TUSC3: variants seen among roughly 807,000 people sequenced by gnomAD.
The protein encoded by TUSC3 is tumor suppressor candidate 3, also known as dolichyl-diphosphooligosaccharide--protein glycosyltransferase subunit TUSC3.
TUSC3 carries 45 observed loss-of-function variants against 44.8 expected under a neutral mutation model. That is an observed-to-expected ratio of 1.00 (90% CI 0.79 to 1.29). The LOEUF is 1.29. TUSC3 is among the 50% of genes most tolerant of loss of function. TUSC3 has a pLI of 0.00. For synonymous variants in TUSC3, 212 were observed against 152.9 expected (o/e 1.39, Z -2.85); for missense variants, 519 against 437.9 (o/e 1.19, Z -1.65).
chr8:15,487,076 C>T lies in TUSC3; in HGVS notation n.189+3593C>T, dbSNP rs572747907. ...TAGCTTCCCTTCTTCTATGACAAAC[C>T]GATAAAATACTATCTAGTCATTCTT... On this transcript the variant is annotated intron_variant and non_coding_transcript_variant, in intron 2 of 5. Transcript: ENST00000503191. Among the ~76,000 whole-genome samples the T allele has an allele frequency of 2.5e-4, 38 of 152,180 alleles. No homozygotes were observed. In the South Asian group the frequency reaches 5.4e-3, roughly 22 times the overall value.
intron 6 of TUSC3, among the ~76,000 whole-genome samples, chr8:15,711,530 A>G (rs1809853253): frequency 6.7e-6 from 1 of 149,666 alleles, no homozygotes; most frequent in South Asian, 2.1e-4. Flanking sequence ...TATTTAATAT[A>G]TGTATATATA....
intron 7 of TUSC3, among the ~76,000 whole-genome samples, chr8:15,731,113 ATATATGGTATGTC>A (rs1427958958): frequency 6.6e-6 from 1 of 152,078 alleles, no homozygotes; most frequent in African/African-American, 2.4e-5. Context: ...CTCCCCTTAA[ATATATGGTATGTC>A]AGAAGAAGGA....
At chr8:15,739,942 C>T (rs927970745) in intron 7 of TUSC3, among the ~76,000 whole-genome samples, 2 of 152,200 alleles carry the variant, frequency 1.3e-5, no homozygotes, top group Non-Finnish European at 2.9e-5. Flanking sequence ...ATGGTAATGT[C>T]TACATCAGAG....
chr8:15,667,479 A>C (rs1807718817), intron 5 of TUSC3, among the ~76,000 whole-genome samples: 1 of 151,670 alleles, frequency 6.6e-6, no homozygotes, highest in South Asian at 2.1e-4. Flanking sequence ...TTTATTAAGT[A>C]ATGTCATTAA....
intron 1 of TUSC3, among the ~76,000 whole-genome samples, chr8:15,420,858 G>A (rs776693095): frequency 2.6e-5 from 4 of 152,092 alleles, no homozygotes; most frequent in South Asian, 2.1e-4. Flanking sequence ...ATGTTGATTC[G>A]CTTCTCCCTA....
intron 6 of TUSC3, among the ~76,000 whole-genome samples, chr8:15,705,861 C>G (rs927445459): frequency 1.3e-5 from 2 of 152,016 alleles, no homozygotes; most frequent in African/African-American, 4.8e-5. Context: ...TACATATTAT[C>G]AGATAAAACT....
chr8:15,747,522 C>T (rs1280625262), intron 8 of TUSC3, among the ~76,000 whole-genome samples: 1 of 151,920 alleles, frequency 6.6e-6, no homozygotes, highest in Non-Finnish European at 1.5e-5. Context: ...ATTTTATAAG[C>T]ATGTTTAGAT....
chr8:15,513,837 C>G lies in TUSC3; in HGVS notation n.189+30354C>G, dbSNP rs546201068. Among the ~76,000 whole-genome samples, 151 of 152,240 alleles carry G rather than the reference C, an allele frequency of 9.9e-4. 3 individuals carry two copies. The Middle Eastern group carries it at 0.017, about 17-fold the overall frequency. On this transcript the variant is annotated intron_variant and non_coding_transcript_variant, in intron 2 of 5. Coordinates refer to the TUSC3 transcript ENST00000503191. ...TCTCACCAGAGTCAATGAGCAAGCT[C>G]CTTCTCTTTTCAGTCTAACTTTTAC...
At chr8:15,748,911 A>G (rs1811543990) in intron 9 of TUSC3, 1 of 373,472 alleles carries the variant, frequency 2.7e-6, no homozygotes, top group Non-Finnish European at 5.2e-6. Context: ...TAAGTAATAA[A>G]ATAATTTCTG....
At chr8:15,676,757 AAATATCAG>A (rs1808208166) in intron 6 of TUSC3, among the ~76,000 whole-genome samples, 1 of 152,204 alleles carries the variant, frequency 6.6e-6, no homozygotes, top group Admixed American at 6.5e-5. Flanking sequence ...ATCCAGCTCC[AAATATCAG>A]AGTATTGAAA....
intron 6 of TUSC3, among the ~76,000 whole-genome samples, chr8:15,684,468 C>A (rs1004832170): frequency 5.3e-5 from 8 of 152,132 alleles, no homozygotes; most frequent in Admixed American, 2.0e-4. Flanking sequence ...TGGTGGGTCT[C>A]CCGCCAGTGT....
chr8:15,437,448 C>T (rs528633977), intron 1 of TUSC3, among the ~76,000 whole-genome samples: 2 of 152,172 alleles, frequency 1.3e-5, no homozygotes, highest in East Asian at 3.9e-4. Context: ...TATTCTGTGG[C>T]TGTTATAAGT....
the TUSC3 span, among the ~76,000 whole-genome samples, chr8:15,852,006 G>A: frequency 3.3e-5 from 5 of 152,076 alleles, no homozygotes; most frequent in Non-Finnish European, 7.4e-5. Flanking sequence ...CATGTGAGAT[G>A]TGCCTTTTGC....
intron 2 of TUSC3, among the ~76,000 whole-genome samples, chr8:15,636,965 G>GT (rs150380896): frequency 0.011 from 1,698 of 152,120 alleles, 34 homozygotes; most frequent in African/African-American, 0.039. Context: ...AATGTGATTT[G>GT]TTTTTTTGCC....
chr8:15,419,905 T>C (rs1464659339), intron 1 of TUSC3, among the ~76,000 whole-genome samples: 2 of 152,316 alleles, frequency 1.3e-5, no homozygotes, highest in Non-Finnish European at 1.5e-5. Flanking sequence ...GAATTGTCTT[T>C]TATAAATCTT....
Position 15,764,243 on chromosome 8 carries a change from G to C in TUSC3, c.*87G>C, listed in dbSNP as rs1451764262. The C allele has an allele frequency of 1.2e-6, 2 of 1,604,180 alleles. No individual in the cohort carries two copies. The highest frequency in any genetic ancestry group is 1.3e-5 in the African/African-American group (1 of 74,588). On this transcript the variant is annotated 3_prime_UTR_variant, in exon 11 of 11. Transcript: ENST00000503731. The stretch of plus-strand genomic sequence containing the variant: ...AAGCCAAGTGGGATTTGCATAAAGT[G>C]AATGTTTACCATGAAGATAAACTGT...
intron 1 of TUSC3, among the ~76,000 whole-genome samples, chr8:15,614,171 C>T (rs1246682270): frequency 6.6e-6 from 1 of 151,946 alleles, no homozygotes; most frequent in East Asian, 1.9e-4. Flanking sequence ...CTGCATTAGC[C>T]ATAACACATA....
chr8:15,656,594 C>T (rs1807176823), intron 3 of TUSC3, among the ~76,000 whole-genome samples: 1 of 152,136 alleles, frequency 6.6e-6, no homozygotes, highest in Non-Finnish European at 1.5e-5. Flanking sequence ...GCAGCCCCAC[C>T]CACCTCTATA....
chr8:15,479,948 C>A (rs1800636436), intron 1 of TUSC3, among the ~76,000 whole-genome samples: 1 of 152,106 alleles, frequency 6.6e-6, no homozygotes, highest in South Asian at 2.1e-4. Flanking sequence ...GCAACTTCAG[C>A]AAAGTCTCAG....
Sources: gnomAD v4.1 joint callset for allele counts (sites outside exome capture counted in the v4.1 genomes callset) on GRCh38, gnomAD v4.1.1 for gene constraint, MANE v1.5 for transcripts, NCBI Gene and HGNC (gene_info 2026-07-23, HGNC 2026-07-21) for gene names.